The following ROBO1 variants were observed in gnomAD, a reference collection of about 807,000 sequenced individuals.
ROBO1 encodes roundabout homolog 1.
In ROBO1, 149 loss-of-function variants were observed where a neutral mutation model predicts 195.9. That is an observed-to-expected ratio of 0.76 (90% CI 0.67 to 0.87). The LOEUF is 0.87. ROBO1 is among the 40% of genes least tolerant of loss of function. ROBO1 has a pLI of 0.00. For synonymous variants in ROBO1, 816 were observed against 733.2 expected (o/e 1.11, Z -1.82); for missense variants, 1,933 against 2,068.3 (o/e 0.93, Z 1.27).
intron 3 of ROBO1, among the ~76,000 whole-genome samples, chr3:79,121,828 ATTCCT>A (rs1022788049): frequency 6.6e-6 from 1 of 151,984 alleles, no homozygotes; most frequent in African/African-American, 2.4e-5. Flanking sequence ...ATAATGTTAA[ATTCCT>A]TTCCTGATTA....
chr3:79,663,028 G>A (rs1165676489), intron 1 of ROBO1, among the ~76,000 whole-genome samples: 1 of 152,064 alleles, frequency 6.6e-6, no homozygotes, highest in East Asian at 1.9e-4. Flanking sequence ...TTAGAACTCA[G>A]AAGCTATGAT....
chr3:79,348,306 T>C (rs866924013), intron 2 of ROBO1, among the ~76,000 whole-genome samples: 45 of 151,936 alleles, frequency 3.0e-4, no homozygotes, highest in African/African-American at 9.9e-4. Context: ...TTCTGTTACA[T>C]TGAGACACAC....
chr3:79,485,147 A>G (rs1939091699), intron 2 of ROBO1, among the ~76,000 whole-genome samples: 1 of 152,130 alleles, frequency 6.6e-6, no homozygotes, highest in African/African-American at 2.4e-5. Context: ...TGAGCTGTGT[A>G]GCTGCTATAT....
chr3:79,573,138 C>G (rs534747050), intron 2 of ROBO1, among the ~76,000 whole-genome samples: 1 of 152,104 alleles, frequency 6.6e-6, no homozygotes, highest in Non-Finnish European at 1.5e-5. Context: ...CAGCCTCCAT[C>G]GGCTGGCTCA....
intron 2 of ROBO1, among the ~76,000 whole-genome samples, chr3:79,258,063 C>T (rs1379891834): frequency 6.6e-6 from 1 of 151,926 alleles, no homozygotes; most frequent in Non-Finnish European, 1.5e-5. Flanking sequence ...TTGAAATGTG[C>T]TAAGCATCTT....
intron 3 of ROBO1, among the ~76,000 whole-genome samples, chr3:79,099,444 C>T (rs866775397): frequency 1.5e-4 from 23 of 151,636 alleles, no homozygotes; most frequent in African/African-American, 5.6e-4. Flanking sequence ...TGGAGCAAGT[C>T]AGGTCAAGCC....
At chr3:79,419,980 G>A (rs1575801735) in intron 2 of ROBO1, among the ~76,000 whole-genome samples, 1 of 151,876 alleles carries the variant, frequency 6.6e-6, no homozygotes, top group African/African-American at 2.4e-5. Context: ...ATTTACTTCT[G>A]GCTCTCTAAT....
chr3:78,873,917 T>C (rs986497738), intron 4 of ROBO1, among the ~76,000 whole-genome samples: 7 of 152,072 alleles, frequency 4.6e-5, no homozygotes, highest in African/African-American at 1.7e-4. Flanking sequence ...ACAAGGACTT[T>C]GGAAATCAAG....
At position 78,789,850 on chromosome 3, in the gene ROBO1, TTC is replaced by T. The variant is rs556383971; in HGVS notation, c.500-42952_500-42951del. On this transcript the variant is annotated intron_variant, in intron 4 of 30. Transcript: ENST00000464233. ...TCATATATACAACTGGCTATGCCATTTCATCATTTTCAGCCACCACCTTTGTT... is the reference window on the plus strand; with the variant it reads ...TCATATATACAACTGGCTATGCCATTATCATTTTCAGCCACCACCTTTGTT... 2.1e-3 allele frequency among the ~76,000 whole-genome samples: 313 copies of T among 152,324 alleles called. 3 individuals carry two copies. The highest frequency in any genetic ancestry group is 6.8e-3 in the Middle Eastern group (2 of 294).
chr3:79,701,451 G>A (rs1016666778), intron 1 of ROBO1, among the ~76,000 whole-genome samples: 1 of 151,606 alleles, frequency 6.6e-6, no homozygotes, highest in Non-Finnish European at 1.5e-5. Flanking sequence ...CGAGATGACA[G>A]AACTATGAGC....
At chr3:79,297,613 G>A (rs1252988781) in intron 2 of ROBO1, among the ~76,000 whole-genome samples, 2 of 152,042 alleles carry the variant, frequency 1.3e-5, no homozygotes, top group Non-Finnish European at 2.9e-5. Flanking sequence ...GAGTTGTTTT[G>A]ATTTATGTTA....
At chr3:79,262,657 G>A (rs1398729853) in intron 2 of ROBO1, among the ~76,000 whole-genome samples, 3 of 151,862 alleles carry the variant, frequency 2.0e-5, no homozygotes, top group Non-Finnish European at 4.4e-5. Context: ...AGTACTAAAA[G>A]TACAAAGAGA....
intron 2 of ROBO1, among the ~76,000 whole-genome samples, chr3:79,353,253 G>T (rs2035413538): frequency 6.6e-6 from 1 of 152,056 alleles, no homozygotes; most frequent in Non-Finnish European, 1.5e-5. Context: ...AAATTATTAA[G>T]AATTTAATTG....
intron 2 of ROBO1, among the ~76,000 whole-genome samples, chr3:79,375,811 G>A (rs546414896): frequency 1.3e-4 from 20 of 152,290 alleles, no homozygotes; most frequent in African/African-American, 4.6e-4. Context: ...TAATATACAC[G>A]CTACCAGAAA....
chr3:78,855,787 T>C (rs973147903), intron 4 of ROBO1, among the ~76,000 whole-genome samples: 4 of 152,056 alleles, frequency 2.6e-5, no homozygotes, highest in African/African-American at 9.7e-5. Context: ...AAAAATTGCT[T>C]TAAAAAATCC....
chr3:78,807,514 G>T (rs2084583729), intron 4 of ROBO1, among the ~76,000 whole-genome samples: 1 of 152,134 alleles, frequency 6.6e-6, no homozygotes, highest in Non-Finnish European at 1.5e-5. Context: ...AATCTAAAAT[G>T]CCATTAACTG....
chr3:79,334,044 G>A (rs968018113), intron 2 of ROBO1, among the ~76,000 whole-genome samples: 9 of 151,850 alleles, frequency 5.9e-5, no homozygotes, highest in East Asian at 3.9e-4. Context: ...GGTGGCTCAC[G>A]CCTGTAATCC....
At chr3:78,989,644 T>G (rs1448480036) in intron 3 of ROBO1, among the ~76,000 whole-genome samples, 1 of 151,946 alleles carries the variant, frequency 6.6e-6, no homozygotes. Flanking sequence ...AAGTAAGAAA[T>G]TAACTATTTT....
chr3:79,432,207 C>T (rs892519837), intron 2 of ROBO1, among the ~76,000 whole-genome samples: 3 of 152,048 alleles, frequency 2.0e-5, no homozygotes, highest in Non-Finnish European at 4.4e-5. Context: ...GCAAAACAGG[C>T]ATCTCTTAGA....
Sources: allele counts gnomAD v4.1 joint callset (sites outside exome capture counted in the v4.1 genomes callset), GRCh38; gene constraint gnomAD v4.1.1; transcripts MANE v1.5; gene names NCBI Gene and HGNC (gene_info 2026-07-23, HGNC 2026-07-21).